LRRC4C: variants seen among roughly 807,000 people sequenced by gnomAD.
The protein encoded by LRRC4C is leucine rich repeat containing 4C.
A neutral mutation model predicts 33.6 loss-of-function variants in LRRC4C; 5 were observed. The ratio of observed to expected loss-of-function variants is 0.15; its 90% CI spans 0.08 to 0.31. LRRC4C has a LOEUF of 0.31. LRRC4C is among the 10% of genes least tolerant of loss of function. LRRC4C has a pLI of 1.00. For synonymous variants in LRRC4C, 329 were observed against 302.0 expected, an observed-to-expected ratio of 1.09 and a Z score of -0.93; for missense variants, 560 against 796.7, an observed-to-expected ratio of 0.70 and a Z score of 3.58.
At chr11:41,079,337 G>T (rs1162086310) in intron 1 of LRRC4C, among the ~76,000 whole-genome samples, 1 of 152,208 alleles carries the variant, frequency 6.6e-6, no homozygotes, top group Non-Finnish European at 1.5e-5. Flanking sequence ...ACAAGAAGGA[G>T]GGTGACAAGG....
chr11:40,583,515 CTATT>C (rs1168926062), intron 3 of LRRC4C, among the ~76,000 whole-genome samples: 2 of 152,148 alleles, frequency 1.3e-5, no homozygotes, highest in Non-Finnish European at 2.9e-5. Flanking sequence ...TTCCTCATCT[CTATT>C]TGTTTGGCGT....
intron 2 of LRRC4C, among the ~76,000 whole-genome samples, chr11:40,870,319 G>A (rs1467768828): frequency 1.3e-5 from 2 of 152,018 alleles, no homozygotes; most frequent in Non-Finnish European, 2.9e-5. Context: ...CCATGAATTG[G>A]TGGTGCATGG....
chr11:40,693,304 G>A (rs1461515908), intron 2 of LRRC4C, among the ~76,000 whole-genome samples: 2 of 152,088 alleles, frequency 1.3e-5, no homozygotes, highest in African/African-American at 2.4e-5. Context: ...TGAAAAGAGA[G>A]AATGGTAAAA....
At chr11:40,395,392 C>T (rs1166471396) in intron 3 of LRRC4C, among the ~76,000 whole-genome samples, 2 of 152,026 alleles carry the variant, frequency 1.3e-5, no homozygotes, top group African/African-American at 4.8e-5. Context: ...GGGTGGCATG[C>T]CCTAACTAGG....
chr11:41,041,106 C>T (rs1857405789), intron 1 of LRRC4C, among the ~76,000 whole-genome samples: 1 of 152,088 alleles, frequency 6.6e-6, no homozygotes, highest in African/African-American at 2.4e-5. Context: ...AAAGGAGAAC[C>T]ATCGTATTTG....
chr11:40,572,908 CA>C (rs1181069351), intron 3 of LRRC4C, among the ~76,000 whole-genome samples: 1 of 152,150 alleles, frequency 6.6e-6, no homozygotes, highest in African/African-American at 2.4e-5. Flanking sequence ...AAATGCTTAT[CA>C]TTTTTTTCTG....
intron 2 of LRRC4C, among the ~76,000 whole-genome samples, chr11:40,886,702 GA>G (rs1341013704): frequency 2.0e-5 from 3 of 151,182 alleles, no homozygotes; most frequent in Non-Finnish European, 4.4e-5. Context: ...CTAAAAGTTA[GA>G]AAAAAAGTCA....
intron 3 of LRRC4C, among the ~76,000 whole-genome samples, chr11:40,478,554 A>G (rs543600766): frequency 1.1e-3 from 162 of 152,218 alleles, no homozygotes; most frequent in Non-Finnish European, 2.1e-3. Context: ...TGGTTAATTT[A>G]TTATTATACT....
chr11:41,382,042 G>T (rs953960964), intron 1 of LRRC4C, among the ~76,000 whole-genome samples: 1 of 151,812 alleles, frequency 6.6e-6, no homozygotes, highest in Non-Finnish European at 1.5e-5. Flanking sequence ...AAAGCTGTTA[G>T]ATATGAAAGA....
At chr11:40,278,046 T>C (rs1943236014) in intron 4 of LRRC4C, among the ~76,000 whole-genome samples, 1 of 152,184 alleles carries the variant, frequency 6.6e-6, no homozygotes, top group Non-Finnish European at 1.5e-5. Context: ...TGAACTTGGT[T>C]TGATTCTCAA....
intron 1 of LRRC4C, among the ~76,000 whole-genome samples, chr11:41,317,747 T>A (rs1262741958): frequency 1.3e-5 from 2 of 152,170 alleles, no homozygotes; most frequent in African/African-American, 2.4e-5. Context: ...ATTTTTCCTC[T>A]AATTTTTAAG....
chr11:40,629,274 T>C (rs1336969643), intron 3 of LRRC4C, among the ~76,000 whole-genome samples: 1 of 152,186 alleles, frequency 6.6e-6, no homozygotes, highest in East Asian at 1.9e-4. Flanking sequence ...TGGTAGCTAT[T>C]CCCCTTTCTT....
At chr11:40,245,198 T>C (rs1866234528) in intron 4 of LRRC4C, among the ~76,000 whole-genome samples, 2 of 152,222 alleles carry the variant, frequency 1.3e-5, no homozygotes, top group South Asian at 4.1e-4. Flanking sequence ...TACAATTTCC[T>C]GACTTAATTC....
intron 1 of LRRC4C, among the ~76,000 whole-genome samples, chr11:41,193,838 T>C (rs1432576768): frequency 6.6e-6 from 1 of 152,046 alleles, no homozygotes; most frequent in Non-Finnish European, 1.5e-5. Context: ...CCTTCTATGA[T>C]ACTGAAACTA....
intron 3 of LRRC4C, among the ~76,000 whole-genome samples, chr11:40,556,081 C>A (rs892403947): frequency 2.0e-5 from 3 of 152,140 alleles, no homozygotes; most frequent in Non-Finnish European, 2.9e-5. Flanking sequence ...GCAACCAACA[C>A]ACTGATTTAT....
intron 4 of LRRC4C, among the ~76,000 whole-genome samples, chr11:40,260,786 T>G (rs1401786256): frequency 6.6e-6 from 1 of 152,178 alleles, no homozygotes; most frequent in African/African-American, 2.4e-5. Context: ...TATACCATGA[T>G]TGTTGAAATT....
intron 1 of LRRC4C, among the ~76,000 whole-genome samples, chr11:41,107,781 T>C (rs1188635260): frequency 2.0e-5 from 3 of 151,890 alleles, no homozygotes; most frequent in Non-Finnish European, 4.4e-5. Flanking sequence ...CTATTGAAAA[T>C]ACAAAAATTA....
intron 1 of LRRC4C, among the ~76,000 whole-genome samples, chr11:41,308,969 T>C (rs1950577258): frequency 6.6e-6 from 1 of 152,204 alleles, no homozygotes; most frequent in Non-Finnish European, 1.5e-5. Flanking sequence ...CACGCCCGGC[T>C]AATTTTGTAT....
intron 5 of LRRC4C, among the ~76,000 whole-genome samples, chr11:40,163,828 A>G (rs887611453): frequency 6.6e-6 from 1 of 152,014 alleles, no homozygotes; most frequent in African/African-American, 2.4e-5. Context: ...AAAGCAAGTT[A>G]TAAGGATTTA....
Sources: allele counts gnomAD v4.1 joint callset (sites outside exome capture counted in the v4.1 genomes callset), GRCh38; gene constraint gnomAD v4.1.1; transcripts MANE v1.5; gene names NCBI Gene and HGNC (gene_info 2026-07-23, HGNC 2026-07-21).